The following HIPK2 variants were observed in gnomAD, a reference collection of about 807,000 sequenced individuals.
The protein encoded by HIPK2 is homeodomain interacting protein kinase 2.
Under a neutral mutation model 113.7 loss-of-function variants are expected in HIPK2, and 27 were observed. The ratio of observed to expected loss-of-function variants is 0.24; its 90% CI spans 0.17 to 0.33. HIPK2 has a LOEUF of 0.33. Among genes scored for constraint, HIPK2 ranks in the 10% least tolerant of loss-of-function variants. The probability of loss-of-function intolerance (pLI) is 1.00; values close to 1 mark genes in which losing one functional copy is unlikely to be tolerated. For missense variants in HIPK2, 1,257 were observed against 1,588.0 expected (o/e 0.79, Z 3.54); for synonymous variants, 631 against 642.2 (o/e 0.98, Z 0.26).
intron 13 of HIPK2, among the ~76,000 whole-genome samples, chr7:139,579,774 G>A (rs141183906): frequency 1.6e-4 from 25 of 152,242 alleles, no homozygotes; most frequent in African/African-American, 4.8e-4. Context: ...GGGGGCAGTG[G>A]GTGCTATTCA....
intron 2 of HIPK2, among the ~76,000 whole-genome samples, chr7:139,673,194 C>T (rs983878925): frequency 3.3e-5 from 5 of 151,092 alleles, no homozygotes; most frequent in African/African-American, 7.3e-5. Flanking sequence ...CTCTGGGGCC[C>T]GTGGAGAGAG....
chr7:139,701,317 A>G (rs1490394432), intron 2 of HIPK2, among the ~76,000 whole-genome samples: 4 of 152,230 alleles, frequency 2.6e-5, no homozygotes, highest in African/African-American at 9.6e-5. Flanking sequence ...AAAGCCAGGG[A>G]CAGAGAGGCC....
rs1233833177 is a variant in HIPK2 at position 139,597,017 on chromosome 7, ACT to A, written c.2436-21_2436-20del. ...GACATTTCTGTAATGAGAAAACCAC[ACT>A]CTCACACAGAGGAAGGTCAGGCCCC... On this transcript the variant is annotated intron_variant, in intron 11 of 14. Transcript: ENST00000406875. 4 of 1,575,492 alleles carry A rather than the reference ACT, an allele frequency of 2.5e-6. No individual in the cohort carries two copies. Among genetic ancestry groups the A allele is most frequent in the African/African-American group, 2.7e-5 (2 of 74,218 alleles).
At chr7:139,698,591 TC>T (rs1794625895) in intron 2 of HIPK2, among the ~76,000 whole-genome samples, 2 of 152,216 alleles carry the variant, frequency 1.3e-5, no homozygotes, top group African/African-American at 4.8e-5. Flanking sequence ...GTAAGAGCGT[TC>T]CTGAAAAAGT....
intron 2 of HIPK2, among the ~76,000 whole-genome samples, chr7:139,673,376 CTT>C (rs2116653288): frequency 6.6e-6 from 1 of 152,314 alleles, no homozygotes; most frequent in Admixed American, 6.5e-5. Flanking sequence ...CTCTCTCTCT[CTT>C]ACAGGAGACC....
chr7:139,763,148 G>A (rs1796495570), intron 1 of HIPK2, among the ~76,000 whole-genome samples: 1 of 152,202 alleles, frequency 6.6e-6, no homozygotes, highest in African/African-American at 2.4e-5. Flanking sequence ...AAACAGAGGG[G>A]AAGACTGGTG....
intron 1 of HIPK2, among the ~76,000 whole-genome samples, chr7:139,754,331 C>T (rs1796330258): frequency 6.6e-6 from 1 of 152,218 alleles, no homozygotes; most frequent in African/African-American, 2.4e-5. Context: ...AACATCTTCA[C>T]TTTGCATTAC....
chr7:139,697,821 T>A (rs1373769439), intron 2 of HIPK2, among the ~76,000 whole-genome samples: 1 of 151,586 alleles, frequency 6.6e-6, no homozygotes, highest in African/African-American at 2.4e-5. Flanking sequence ...TATCCTATTA[T>A]CCCCTCCTCC....
chr7:139,627,721 T>C (rs1338246607), intron 5 of HIPK2, among the ~76,000 whole-genome samples: 1 of 152,216 alleles, frequency 6.6e-6, no homozygotes, highest in African/African-American at 2.4e-5. Flanking sequence ...TACTGGTGTA[T>C]AGCTTTGTTT....
chr7:139,776,103 G>A (rs1262425596), intron 1 of HIPK2, among the ~76,000 whole-genome samples: 1 of 152,154 alleles, frequency 6.6e-6, no homozygotes, highest in Admixed American at 6.5e-5. Flanking sequence ...GCCCGACATG[G>A]GTTCTCCCGC....
At chr7:139,641,094 G>A (rs1042968539) in intron 2 of HIPK2, among the ~76,000 whole-genome samples, 2 of 152,214 alleles carry the variant, frequency 1.3e-5, no homozygotes, top group African/African-American at 4.8e-5. Flanking sequence ...GCCGGGTGCA[G>A]TGGCTCACGC....
In HIPK2 at chr7:139,630,551, C is replaced by A. The variant is rs986105870; in HGVS notation, c.1347+614G>T. Among the ~76,000 whole-genome samples the A allele has an allele frequency of 6.6e-6, 1 of 152,224 alleles. No homozygotes were observed. The highest frequency in any genetic ancestry group is 2.4e-5 in the African/African-American group (1 of 41,452). The stretch of plus-strand genomic sequence containing the variant: ...TAGGTGGGATTACAGGAGCATGCCA[C>A]CACGCCCAGCTAATTTTTATACTTT... On this transcript the variant is annotated intron_variant, in intron 4 of 14. Coordinates refer to ENST00000406875, the MANE Select transcript of HIPK2 (RefSeq NM_022740.5). The surrounding 1 kb of genome is among the most constrained non-coding windows in gnomAD (Gnocchi z 4.0).
intron 2 of HIPK2, among the ~76,000 whole-genome samples, chr7:139,675,040 A>C (rs529969383): frequency 6.6e-6 from 1 of 152,224 alleles, no homozygotes; most frequent in African/African-American, 2.4e-5. Context: ...TGCTGTGTCT[A>C]ATTTTAGTTC....
intron 9 of HIPK2, 59 bp from the exon 10 acceptor site, chr7:139,604,282 T>A (rs1799540994): frequency 6.4e-7 from 1 of 1,556,340 alleles, no homozygotes; most frequent in East Asian, 2.3e-5. Flanking sequence ...TTGATTTGCA[T>A]GAACCCACAC....
At position 139,714,417 on chromosome 7, in the gene HIPK2, GC is replaced by G. The variant is rs1452320588; in HGVS notation, c.1103+1514del. Among the ~76,000 whole-genome samples, 2 of 152,182 alleles carry G rather than the reference GC, an allele frequency of 1.3e-5. No individual in the cohort carries two copies. The highest frequency in any genetic ancestry group is 3.9e-4 in the East Asian group (2 of 5,182). ...CTCTCCCAGGGAAGGAGGGCCTGGT[GC>G]CCAGCAGGCTGAGGGAGGGGCTGGG... On this transcript the variant is annotated intron_variant, in intron 2 of 14. Coordinates refer to ENST00000406875, the MANE Select transcript of HIPK2 (RefSeq NM_022740.5). The surrounding 1 kb of genome is among the most constrained non-coding windows in gnomAD (Gnocchi z 4.2).
chr7:139,722,146 T>G (rs1171935440), intron 1 of HIPK2: 2 of 238,504 alleles, frequency 8.4e-6, no homozygotes, highest in African/African-American at 4.6e-5. Context: ...TAAAAAGCAC[T>G]GAAGAACAAA....
intron 13 of HIPK2, among the ~76,000 whole-genome samples, chr7:139,578,964 G>A (rs1170908953): frequency 5.3e-5 from 8 of 152,228 alleles, no homozygotes; most frequent in East Asian, 1.9e-4. Flanking sequence ...GTGAGCCACC[G>A]TGCCGGACAG....
At chr7:139,730,486 G>C (rs559118889) in intron 1 of HIPK2, among the ~76,000 whole-genome samples, 1 of 151,778 alleles carries the variant, frequency 6.6e-6, no homozygotes, top group African/African-American at 2.4e-5. Context: ...TCAGCCTCCC[G>C]AGTAGTGGGG....
At chr7:139,577,293 C>T (rs1569442573) in intron 13 of HIPK2, among the ~76,000 whole-genome samples, 1 of 151,924 alleles carries the variant, frequency 6.6e-6, no homozygotes, top group East Asian at 1.9e-4. Flanking sequence ...GGATTACAGG[C>T]ACCCGGCACC....
Sources: allele counts gnomAD v4.1 joint callset (sites outside exome capture counted in the v4.1 genomes callset), GRCh38; gene constraint gnomAD v4.1.1; non-coding constraint Gnocchi (gnomAD v3.1); transcripts MANE v1.5; gene names NCBI Gene and HGNC (gene_info 2026-07-23, HGNC 2026-07-21).